MUC5B: variants seen among roughly 807,000 people sequenced by gnomAD.
The protein encoded by MUC5B is mucin-5B.
In MUC5B, 116 loss-of-function variants were observed where a neutral mutation model predicts 376.9. That is an observed-to-expected ratio of 0.31 (90% CI 0.26 to 0.36). The LOEUF (loss-of-function observed/expected upper bound fraction) is 0.36, where lower values mean the gene tolerates loss of function less well. Among genes scored for constraint, MUC5B ranks in the 10% least tolerant of loss-of-function variants. MUC5B has a pLI of 1.00. For missense variants in MUC5B, 7,165 were observed against 7,769.9 expected (o/e 0.92, Z 2.93); for synonymous variants, 3,517 against 3,390.9 (o/e 1.04, Z -1.29).
intron 17 of MUC5B, 68 bp from the exon 18 acceptor site, chr11:1,232,945 A>G: frequency 6.7e-7 from 1 of 1,483,706 alleles, no homozygotes; most frequent in East Asian, 2.5e-5. Context: ...GGGGATGCTG[A>G]GTTGAAGATG....
Position 1,251,267 on chromosome 11 carries a change from C to A in MUC5B, c.14387C>A (p.Thr4796Lys). Residue 4796 changes from threonine (T) to lysine (K), a missense_variant, in exon 31 of 49, where the codon ACA becomes AAA. Thr to Lys is a moderately conservative substitution (Grantham distance 78). Transcript: ENST00000529681. ...CACACCTCCACAGTGCTGACCACCACAGCCACCATGACAAGGGCCACCAAT... is the reference window on the plus strand; with the variant it reads ...CACACCTCCACAGTGCTGACCACCAAAGCCACCATGACAAGGGCCACCAAT... Reference protein sequence around the residue: ...TTHTSTVLTTTATMTRATNST... With the variant: ...TTHTSTVLTTKATMTRATNST... 1 of 1,611,552 alleles carries A rather than the reference C, an allele frequency of 6.2e-7. No individual in the cohort carries two copies.
In MUC5B at chr11:1,243,553, A is replaced by T; in HGVS notation, c.6673A>T (p.Thr2225Ser). The T allele has an allele frequency of 6.2e-7, 1 of 1,607,034 alleles. No individual in the cohort carries two copies. The highest frequency in any genetic ancestry group is 1.4e-5 in the African/African-American group (1 of 73,926). The change falls in exon 31 of 49, where the codon ACC becomes TCC. Residue 2225 changes from threonine (T) to serine (S), a missense_variant. This residue lies in a region of MUC5B where 67 missense variants were observed against 103.0 expected (regional missense o/e 0.65). Coordinates refer to ENST00000529681, the MANE Select transcript of MUC5B (RefSeq NM_002458.3). ...TSATSGILGT[T>S]HITEPSTVTS... ...GGCCACCTCGGGCATCTTGGGCACC[A>T]CCCACATCACAGAGCCTTCCACGGT... is the stretch of plus-strand genomic sequence containing the variant.
chr11:1,253,051 C>A lies in MUC5B; in HGVS notation c.15217+71C>A. ...CAGAGTGCACCGTCGGCTAGGCTGG[C>A]AGAATGGGGCATGGTGGGGCACAGT... On this transcript the variant is annotated intron_variant, in intron 33 of 48. Coordinates refer to ENST00000529681, the MANE Select transcript of MUC5B (RefSeq NM_002458.3). The surrounding 1 kb of genome is among the most constrained non-coding windows in gnomAD (Gnocchi z 4.3). 6.5e-7 allele frequency: 1 copy of A among 1,528,068 alleles called. No homozygotes were observed. Among genetic ancestry groups the A allele is most frequent in the Middle Eastern group, 1.9e-4 (1 of 5,396 alleles). 94.7% of individuals were successfully genotyped at this position (1,528,068 alleles called of 1,614,324 possible). A position where few individuals can be genotyped will look rare whatever the true frequency, so the allele number is the denominator to read the frequency against.
Position 1,241,932 on chromosome 11 carries a change from T to A in MUC5B, c.5052T>A (p.Thr1684=). The change falls in exon 31 of 49, where the codon ACT becomes ACA. Residue 1684 remains threonine (T), a synonymous_variant. Transcript: ENST00000529681. ...CGCCTGCAGGCTCCACAGAACCCACTGTCCCAGGGGTGGCCACATCCACCC... is the reference window on the plus strand; with the variant it reads ...CGCCTGCAGGCTCCACAGAACCCACAGTCCCAGGGGTGGCCACATCCACCC... ...PTTPAGSTEP[T]VPGVATSTLP... The A allele has an allele frequency of 6.2e-7, 1 of 1,608,484 alleles. No homozygotes were observed. The highest frequency in any genetic ancestry group is 8.5e-7 in the Non-Finnish European group (1 of 1,177,742).
rs572299642 is a variant in MUC5B at position 1,261,144 on chromosome 11, A to C, written c.17070-245A>C. ...GGCTGCTTAGGGTCAGCAGGATTGG[A>C]GGAGCTGGTTCAGACAGGGGAAGTG... On this transcript the variant is annotated intron_variant, in intron 48 of 48. Coordinates refer to ENST00000529681, the MANE Select transcript of MUC5B (RefSeq NM_002458.3). Among the ~76,000 whole-genome samples, 6 of 152,288 alleles carry C rather than the reference A, an allele frequency of 3.9e-5. No homozygotes were observed. In the East Asian group the frequency reaches 1.2e-3, roughly 29 times the overall value.
chr11:1,252,665 C>A (rs1207173249), intron 32 of MUC5B, 141 bp downstream of exon 32: 15 of 1,385,778 alleles, frequency 1.1e-5, no homozygotes, highest in Admixed American at 2.4e-5. Flanking sequence ...CACACAGGGC[C>A]TAGGGGCCAG....
rs1564941956 is a variant in MUC5B, at chr11:1,244,666, C to A, written c.7786C>A (p.Pro2596Thr). 1.9e-6 allele frequency: 3 copies of A among 1,612,560 alleles called. No homozygotes were observed. Among genetic ancestry groups the A allele is most frequent in the South Asian group, 2.2e-5 (2 of 91,038 alleles). Residue 2596 changes from proline (P) to threonine (T), a missense_variant, in exon 31 of 49, where the codon CCC (proline) becomes ACC (threonine). Transcript: ENST00000529681. The part of the protein sequence containing the change: ...TTGATGSVAT[P>T]SSTPGTAHTT... ...CGGGGCCACCGGCTCTGTGGCCACC[C>A]CCTCCTCCACCCCAGGAACAGCTCA...
chr11:1,243,611 C>A lies in MUC5B; in HGVS notation c.6731C>A (p.Thr2244Asn). The A allele has an allele frequency of 4.3e-6, 7 of 1,610,344 alleles. No homozygotes were observed. Among genetic ancestry groups the A allele is most frequent in the Non-Finnish European group, 5.1e-6 (6 of 1,179,052 alleles). ...TSHTLAATTG[T>N]TQHSTPALSS... ...CACACCCTAGCAGCAACCACCGGTA[C>A]CACCCAGCACTCGACTCCAGCCCTT... Residue 2244 changes from threonine (T) to asparagine (N), a missense_variant, in exon 31 of 49, where the codon ACC (threonine) becomes AAC (asparagine). By Grantham distance (65) the Thr-to-Asn change is moderately conservative (BLOSUM62 0). This residue lies in a region of MUC5B where 67 missense variants were observed against 103.0 expected (regional missense o/e 0.65). Transcript: ENST00000529681.
chr11:1,250,917 A>G lies in MUC5B; in HGVS notation c.14037A>G (p.Ser4679=). ...CACAGACCAGTGGTACTCCCCCATC[A>G]CTGACCACCACGGCCACTACGATCA... ...SSTQTSGTPP[S]LTTTATTITA... is the part of the protein sequence containing the mutation. Residue 4679 remains serine (S), a synonymous_variant, in exon 31 of 49, where the codon TCA becomes TCG. Transcript: ENST00000529681. 2 of 1,591,630 alleles carry G rather than the reference A, an allele frequency of 1.3e-6. No homozygotes were observed. Among genetic ancestry groups the G allele is most frequent in the Non-Finnish European group, 1.7e-6 (2 of 1,169,606 alleles).
chr11:1,234,711 T>A lies in MUC5B; in HGVS notation c.2630+31T>A. ...TCGTGAGTCTCTCGGAGGCAGCAGG[T>A]GGGGAGGGCGGGGGCGGGGAGGGCA... On this transcript the variant is annotated intron_variant, in intron 21 of 48. Transcript: ENST00000529681. This position sits in a 1 kb window ranked among gnomAD's most constrained non-coding sequence, Gnocchi z 6.3. 5.6e-6 allele frequency: 1 copy of A among 179,640 alleles called. No homozygotes were observed. 11.1% of individuals were successfully genotyped at this position (179,640 alleles called of 1,614,324 possible).
Position 1,258,139 on chromosome 11 carries a change from CCCG to C in MUC5B, c.16494_16496del (p.Pro5499del). Reference sequence around the variant, plus strand: ...CCTGCCCCCAGAGCCTGCCTGTGTGCCCGCCAGGGCAGGAGTCCATCTGCACCC... The same window carrying C: ...CCTGCCCCCAGAGCCTGCCTGTGTGCCCAGGGCAGGAGTCCATCTGCACCC... On this transcript the variant is annotated inframe_deletion, in exon 42 of 49. Coordinates refer to ENST00000529681, the MANE Select transcript of MUC5B (RefSeq NM_002458.3). The surrounding 1 kb of genome is among the most constrained non-coding windows in gnomAD (Gnocchi z 5.5). 3 of 1,599,578 alleles carry C rather than the reference CCCG, an allele frequency of 1.9e-6. No homozygotes were observed. Among genetic ancestry groups the C allele is most frequent in the Non-Finnish European group, 2.6e-6 (3 of 1,175,190 alleles).
At chr11:1,223,486 G>A in intron 1 of MUC5B, 1 of 511,746 alleles carries the variant, frequency 2.0e-6, no homozygotes, top group South Asian at 2.0e-5. Flanking sequence ...TCTTGGGGGT[G>A]GGACAGGAGT....
In MUC5B at chr11:1,234,196, T is replaced by C; in HGVS notation, c.2378-9T>C. The stretch of plus-strand genomic sequence containing the variant: ...CCCCAGGACCCCTCCCACCAAGCTC[T>C]GTCCCCAGGGTGTGCAGCCCCCATG... On this transcript the variant is annotated splice_polypyrimidine_tract_variant and intron_variant, in intron 19 of 48. Coordinates refer to ENST00000529681, the MANE Select transcript of MUC5B (RefSeq NM_002458.3). This position sits in a 1 kb window ranked among gnomAD's most constrained non-coding sequence, Gnocchi z 6.3. The C allele has an allele frequency of 6.3e-7, 1 of 1,592,616 alleles. No individual in the cohort carries two copies. The highest frequency in any genetic ancestry group is 8.5e-7 in the Non-Finnish European group (1 of 1,170,886).
In MUC5B at chr11:1,261,823, T is replaced by C. The variant is rs1031529048; in HGVS notation, c.*215T>C. ...TCGGGAGGGCGCCACTCAGGAGTCCTACCCTGGGAGAGCCTGTGGCCCACC... is the reference window on the plus strand; with the variant it reads ...TCGGGAGGGCGCCACTCAGGAGTCCCACCCTGGGAGAGCCTGTGGCCCACC... On this transcript the variant is annotated 3_prime_UTR_variant, in exon 49 of 49. Coordinates refer to ENST00000529681, the MANE Select transcript of MUC5B (RefSeq NM_002458.3). 7.2e-6 allele frequency: 5 copies of C among 698,678 alleles called. No individual in the cohort carries two copies. The highest frequency in any genetic ancestry group is 1.3e-5 in the Non-Finnish European group (5 of 383,932). The allele number at this position is 698,678 out of a possible 1,614,324, so 43.3% of individuals were successfully genotyped here.
In MUC5B at chr11:1,246,501, C is replaced by T. The variant is rs1222536549; in HGVS notation, c.9621C>T (p.Ser3207=). Reference sequence around the variant, plus strand: ...CGGCCACCACACCCACAGTCATCAGCTCCAGAGCCACTCCCTCCTCCAGTC... The same window carrying T: ...CGGCCACCACACCCACAGTCATCAGTTCCAGAGCCACTCCCTCCTCCAGTC... ...TSTATTPTVI[S]SRATPSSSPG... The change falls in exon 31 of 49, where the codon AGC becomes AGT. Residue 3207 remains serine, a synonymous_variant. Transcript: ENST00000529681. The T allele has an allele frequency of 4.3e-6, 7 of 1,613,082 alleles. No homozygotes were observed. Among genetic ancestry groups the T allele is most frequent in the East Asian group, 2.2e-5 (1 of 44,850 alleles).
At position 1,226,766 on chromosome 11, in the gene MUC5B, G is replaced by C; in HGVS notation, c.351G>C (p.Gln117His). ...CCGCCTACGAGGACTTCAACGTCCA[G>C]CTACGCCGAGGCCTAGTGGGCTCCA... is the stretch of plus-strand genomic sequence containing the variant. ...CRAAYEDFNV[Q>H]LRRGLVGSRP... is the part of the protein sequence containing the mutation. Residue 117 changes from glutamine to histidine, a missense_variant, in exon 4 of 49, where the codon CAG (glutamine) becomes CAC (histidine). Physicochemically the swap from Gln to His is conservative, Grantham distance 24. Coordinates refer to ENST00000529681, the MANE Select transcript of MUC5B (RefSeq NM_002458.3). 2 of 1,612,610 alleles carry C rather than the reference G, an allele frequency of 1.2e-6. No homozygotes were observed. The highest frequency in any genetic ancestry group is 1.3e-5 in the African/African-American group (1 of 75,064).
chr11:1,261,754 G>A lies in MUC5B; in HGVS notation c.*146G>A, dbSNP rs756813887. On this transcript the variant is annotated 3_prime_UTR_variant, in exon 49 of 49. Coordinates refer to ENST00000529681, the MANE Select transcript of MUC5B (RefSeq NM_002458.3). ...CCGTGCTCCTGCTGCCCACCCCGTGGGTGAAACCGGCCCCAGAAGGGTGAG... is the reference window on the plus strand; with the variant it reads ...CCGTGCTCCTGCTGCCCACCCCGTGAGTGAAACCGGCCCCAGAAGGGTGAG... The A allele has an allele frequency of 4.0e-5, 33 of 831,398 alleles. No individual in the cohort carries two copies. Among genetic ancestry groups the A allele is most frequent in the Non-Finnish European group, 6.2e-5 (31 of 504,054 alleles). 51.5% of individuals were successfully genotyped at this position (831,398 alleles called of 1,614,324 possible). A position where few individuals can be genotyped will look rare whatever the true frequency, so the allele number is the denominator to read the frequency against.
chr11:1,241,212 C>G lies in MUC5B; in HGVS notation c.4332C>G (p.Pro1444=). 4 of 1,593,634 alleles carry G rather than the reference C, an allele frequency of 2.5e-6. No homozygotes were observed. Among genetic ancestry groups the G allele is most frequent in the Non-Finnish European group, 3.4e-6 (4 of 1,170,446 alleles). ...PSPAPGTSPQ[P]SLSASTEPAV... ...CGGCCCCAGGCACCAGCCCTCAGCC[C>G]TCCCTCAGTGCCAGCACGGAGCCTG... The change falls in exon 31 of 49, where the codon CCC becomes CCG. Residue 1444 remains proline, a synonymous_variant. Transcript: ENST00000529681.
chr11:1,252,906 C>T lies in MUC5B; in HGVS notation c.15143C>T (p.Thr5048Ile). 2.5e-6 allele frequency: 4 copies of T among 1,612,658 alleles called. No individual in the cohort carries two copies. The highest frequency in any genetic ancestry group is 3.4e-6 in the Non-Finnish European group (4 of 1,179,872). ...LLDPKPVANV[T>I]CVNKHLPIKV... ...GACCCAAAGCCTGTGGCCAACGTCA[C>T]CTGCGTGAACAAGCACCTGCCCATC... The change falls in exon 33 of 49, where the codon ACC (threonine) becomes ATC (isoleucine). Residue 5048 changes from threonine (T) to isoleucine (I), a missense_variant. By Grantham distance (89) the Thr-to-Ile change is moderately conservative. Transcript: ENST00000529681.
Sources: gnomAD v4.1 joint callset for allele counts (sites outside exome capture counted in the v4.1 genomes callset) on GRCh38, gnomAD v4.1.1 for gene constraint, gnomAD v4.1.1 regional missense constraint, Gnocchi (gnomAD v3.1) non-coding constraint, MANE v1.5 for transcripts, NCBI Gene and HGNC (gene_info 2026-07-23, HGNC 2026-07-21) for gene names.